ACOT11: variants seen among roughly 807,000 people sequenced by gnomAD.
ACOT11 encodes the protein acyl-CoA thioesterase 11.
In ACOT11, 69 loss-of-function variants were observed where a neutral mutation model predicts 77.5. The ratio of observed to expected loss-of-function variants is 0.89; its 90% CI spans 0.73 to 1.09. The LOEUF (loss-of-function observed/expected upper bound fraction) is 1.09, where lower values mean the gene tolerates loss of function less well. Among genes scored for constraint, ACOT11 ranks in the 50% least tolerant of loss-of-function variants. The pLI, the probability that ACOT11 is intolerant of heterozygous loss-of-function variation, is 0.00. For synonymous variants in ACOT11, 279 were observed against 313.0 expected, an observed-to-expected ratio of 0.89 and a Z score of 1.15; for missense variants, 766 against 813.7, an observed-to-expected ratio of 0.94 and a Z score of 0.71.
chr1:54,633,771 A>G (rs1040632548), intron 16 of ACOT11, among the ~76,000 whole-genome samples: 2 of 152,254 alleles, frequency 1.3e-5, no homozygotes, highest in Admixed American at 1.3e-4. Flanking sequence ...ATTCCTACCT[A>G]TGCCAGGAGT....
chr1:54,623,576 TC>T, intron 15 of ACOT11: 1 of 539,928 alleles, frequency 1.9e-6, no homozygotes, highest in East Asian at 2.9e-5. Flanking sequence ...CCCTCCTCCC[TC>T]CCCGCCCCAA....
exon 17 of ACOT11, chr1:54,635,570 G>A (rs1644326250): frequency 9.6e-6 from 2 of 208,958 alleles, no homozygotes; most frequent in South Asian, 1.4e-4. Context: ...AAGCATCCCG[G>A]GCAACCTGAC....
chr1:54,601,123 G>C (rs1643956968), intron 8 of ACOT11, 146 bp from the exon 9 acceptor site: 3 of 768,304 alleles, frequency 3.9e-6, no homozygotes, highest in East Asian at 7.2e-5. Context: ...ATACATGTGT[G>C]TGTATGTGTG....
intron 1 of ACOT11, among the ~76,000 whole-genome samples, chr1:54,568,662 G>A (rs1335477373): frequency 6.6e-6 from 1 of 151,822 alleles, no homozygotes; most frequent in Non-Finnish European, 1.5e-5. Flanking sequence ...CCATGCCTCT[G>A]GCCCCCAGCA....
intron 1 of ACOT11, among the ~76,000 whole-genome samples, chr1:54,574,281 G>A (rs946815894): frequency 1.3e-5 from 2 of 152,152 alleles, no homozygotes; most frequent in Non-Finnish European, 2.9e-5. Flanking sequence ...TGTCCTGCAG[G>A]TTCCTGTCCA....
chr1:54,586,006 G>A (rs1157979248), intron 3 of ACOT11, 102 bp downstream of exon 3: 1 of 1,264,074 alleles, frequency 7.9e-7, no homozygotes, highest in African/African-American at 1.5e-5. Context: ...GCTGCCTAGA[G>A]CCTGACTCAA....
intron 4 of ACOT11, 150 bp downstream of exon 4, chr1:54,592,756 G>GTA (rs1654756403): frequency 1.3e-6 from 1 of 750,528 alleles, no homozygotes; most frequent in Non-Finnish European, 2.0e-6. Context: ...AGAGCAAGGG[G>GTA]AATCCCAAGG....
At chr1:54,614,930 A>C, downstream of ACOT11, 1 of 1,359,662 alleles carries the variant, frequency 7.4e-7, no homozygotes, top group Non-Finnish European at 1.0e-6. Context: ...CTGGGCAGAA[A>C]GCAGAGCGGG....
intron 9 of ACOT11, among the ~76,000 whole-genome samples, 186 bp downstream of exon 9, chr1:54,601,599 G>A (rs1036519913): frequency 2.6e-5 from 4 of 152,336 alleles, no homozygotes; most frequent in African/African-American, 9.6e-5. Context: ...TGCAGGGCGG[G>A]CTTGTTCTGC....
chr1:54,594,133 C>T, intron 5 of ACOT11, 94 bp downstream of exon 5: 4 of 1,146,942 alleles, frequency 3.5e-6, no homozygotes, highest in Non-Finnish European at 5.0e-6. Flanking sequence ...TAGGGGTTGG[C>T]AGAGGGGATG....
Position 54,601,218 on chromosome 1 carries a change from T to C in ACOT11, c.885-51T>C. The C allele has an allele frequency of 3.2e-6, 5 of 1,583,156 alleles. No homozygotes were observed. In the South Asian group the frequency reaches 5.6e-5, roughly 18 times the overall value. ...GAGTGTGTGTGTTGGGGAGGAGGCATGGCCCTTGGGAAGGTCTGTCCAGGT... is the reference window on the plus strand; with the variant it reads ...GAGTGTGTGTGTTGGGGAGGAGGCACGGCCCTTGGGAAGGTCTGTCCAGGT... On this transcript the variant is annotated intron_variant, in intron 8 of 15. Transcript: ENST00000343744.
intron 8 of ACOT11, among the ~76,000 whole-genome samples, chr1:54,599,935 A>T (rs144620470): frequency 2.6e-5 from 4 of 152,346 alleles, no homozygotes; most frequent in African/African-American, 9.6e-5. Flanking sequence ...AAAGTGAGGG[A>T]TCAGGAGCCA....
Position 54,604,221 on chromosome 1 carries a change from C to G in ACOT11, c.1153-125C>G. On this transcript the variant is annotated intron_variant, in intron 11 of 15. Coordinates refer to ENST00000343744, the MANE Select transcript of ACOT11 (RefSeq NM_147161.4). ...CCAGGACTCTTTCCACAGCACCTGC[C>G]GCACCACCCACCCACCGCCCAACCC... The G allele has an allele frequency of 2.0e-5, 17 of 846,404 alleles. No individual in the cohort carries two copies. In the South Asian group the frequency reaches 2.8e-4, roughly 14 times the overall value. 52.4% of individuals were successfully genotyped at this position (846,404 alleles called of 1,614,324 possible). A position where few individuals can be genotyped will look rare whatever the true frequency, so the allele number is the denominator to read the frequency against.
At chr1:54,621,182 C>T (rs1299272169) in intron 15 of ACOT11, among the ~76,000 whole-genome samples, 4 of 149,564 alleles carry the variant, frequency 2.7e-5, no homozygotes, top group Non-Finnish European at 5.9e-5. Context: ...AAAACCTGCG[C>T]GCGGCGGCTG....
chr1:54,597,198 G>C, intron 6 of ACOT11, 61 bp from the exon 7 acceptor site: 1 of 1,594,856 alleles, frequency 6.3e-7, no homozygotes, highest in Non-Finnish European at 8.5e-7. Flanking sequence ...CTGTGGGGAG[G>C]GGCTGCCCTT....
chr1:54,603,380 G>A (rs576231909), intron 10 of ACOT11, among the ~76,000 whole-genome samples: 66 of 152,318 alleles, frequency 4.3e-4, no homozygotes, highest in African/African-American at 1.6e-3. Flanking sequence ...ATGAAGCCAG[G>A]TGTGTCTGAC....
intron 13 of ACOT11, among the ~76,000 whole-genome samples, chr1:54,606,449 G>A (rs1175719806): frequency 6.6e-6 from 1 of 152,158 alleles, no homozygotes; most frequent in Admixed American, 6.5e-5. Flanking sequence ...GCCTCTGTGT[G>A]GGTGTCCTTG....
chr1:54,572,779 C>T (rs150046643), intron 1 of ACOT11, among the ~76,000 whole-genome samples: 11 of 152,322 alleles, frequency 7.2e-5, no homozygotes, highest in African/African-American at 2.4e-4. Context: ...GCAGAAGGGT[C>T]TCCCTTGGAA....
At position 54,609,138 on chromosome 1, in the gene ACOT11, C is replaced by T. The variant is rs1251526536; in HGVS notation, c.*26C>T. ...ATGCCCTCAGTGGCCACATCATGCCCACTCCCACTCCATCCTGTCCCCAAG... is the reference window on the plus strand; with the variant it reads ...ATGCCCTCAGTGGCCACATCATGCCTACTCCCACTCCATCCTGTCCCCAAG... On this transcript the variant is annotated 3_prime_UTR_variant, in exon 16 of 16. Transcript: ENST00000343744. The T allele has an allele frequency of 3.7e-6, 6 of 1,613,558 alleles. No homozygotes were observed. In the South Asian group the frequency reaches 6.6e-5, roughly 18 times the overall value.
Sources: allele counts gnomAD v4.1 joint callset (sites outside exome capture counted in the v4.1 genomes callset), GRCh38; gene constraint gnomAD v4.1.1; transcripts MANE v1.5; gene names NCBI Gene and HGNC (gene_info 2026-07-23, HGNC 2026-07-21).